NLGN1: variants seen among roughly 807,000 people sequenced by gnomAD.
NLGN1 encodes the protein neuroligin 1.
Under a neutral mutation model 65.5 loss-of-function variants are expected in NLGN1, and 12 were observed. That is an observed-to-expected ratio of 0.18 (90% CI 0.12 to 0.30). The LOEUF (loss-of-function observed/expected upper bound fraction) is 0.30. Ranked by LOEUF, NLGN1 falls within the 10% of genes least tolerant of loss-of-function variation. NLGN1 has a pLI of 1.00. For synonymous variants in NLGN1, 350 were observed against 359.5 expected (o/e 0.97, Z 0.30); for missense variants, 750 against 1,007.1 (o/e 0.74, Z 3.46).
chr3:173,736,659 A>G (rs1773814170), intron 3 of NLGN1, among the ~76,000 whole-genome samples: 1 of 151,994 alleles, frequency 6.6e-6, no homozygotes, highest in Admixed American at 6.6e-5. Flanking sequence ...CAGATAAAAA[A>G]AAAATAATTT....
At chr3:174,254,227 CAT>C (rs1745255523) in intron 4 of NLGN1, among the ~76,000 whole-genome samples, 1 of 151,764 alleles carries the variant, frequency 6.6e-6, no homozygotes, top group Non-Finnish European at 1.5e-5. Flanking sequence ...AAATACATAC[CAT>C]ATGGCCCTAA....
chr3:174,122,370 C>A (rs1438468072), intron 4 of NLGN1, among the ~76,000 whole-genome samples: 1 of 152,122 alleles, frequency 6.6e-6, no homozygotes, highest in Non-Finnish European at 1.5e-5. Context: ...GGCTTAATAA[C>A]CATAAAATAA....
chr3:173,460,444 G>A (rs1187739950), intron 2 of NLGN1, among the ~76,000 whole-genome samples: 2 of 152,042 alleles, frequency 1.3e-5, no homozygotes, highest in Non-Finnish European at 2.9e-5. Flanking sequence ...TTGAAACTTG[G>A]CATCGCTTCT....
At chr3:173,685,405 T>C (rs1764541174) in intron 3 of NLGN1, among the ~76,000 whole-genome samples, 2 of 152,190 alleles carry the variant, frequency 1.3e-5, no homozygotes, top group African/African-American at 4.8e-5. Context: ...AAACGTGTTT[T>C]AAATGCATCA....
chr3:173,845,927 A>C (rs1427217920), intron 4 of NLGN1, among the ~76,000 whole-genome samples: 1 of 152,032 alleles, frequency 6.6e-6, no homozygotes, highest in Non-Finnish European at 1.5e-5. Flanking sequence ...TTTATGTGTT[A>C]CTCATCTCTA....
intron 4 of NLGN1, among the ~76,000 whole-genome samples, chr3:174,218,572 C>T (rs61591697): frequency 4.6e-5 from 7 of 152,064 alleles, no homozygotes; most frequent in African/African-American, 1.7e-4. Context: ...AGTTAAGGTC[C>T]GTGCAGCAGA....
intron 2 of NLGN1, among the ~76,000 whole-genome samples, chr3:173,511,791 T>C (rs1733021623): frequency 6.6e-6 from 1 of 152,226 alleles, no homozygotes; most frequent in Non-Finnish European, 1.5e-5. Flanking sequence ...TTTATCTTAA[T>C]TCTTTCTTAG....
intron 3 of NLGN1, among the ~76,000 whole-genome samples, chr3:173,675,887 TCACACA>T (rs35370304): frequency 3.9e-4 from 54 of 138,640 alleles, no homozygotes; most frequent in African/African-American, 1.1e-3. Flanking sequence ...TCTCTCTCTC[TCACACA>T]CACACACACA....
chr3:174,113,791 T>C (rs1455537564), intron 4 of NLGN1, among the ~76,000 whole-genome samples: 1 of 152,190 alleles, frequency 6.6e-6, no homozygotes, highest in Non-Finnish European at 1.5e-5. Flanking sequence ...TTATTTCTGA[T>C]ATTTTGATTA....
chr3:173,438,060 T>G (rs560810612), intron 2 of NLGN1, among the ~76,000 whole-genome samples: 1 of 152,288 alleles, frequency 6.6e-6, no homozygotes, highest in South Asian at 2.1e-4. Flanking sequence ...TCAAGGGAAG[T>G]GAGTCCTGAA....
At chr3:173,545,428 A>C (rs899524017) in intron 2 of NLGN1, among the ~76,000 whole-genome samples, 1 of 152,146 alleles carries the variant, frequency 6.6e-6, no homozygotes, top group African/African-American at 2.4e-5. Flanking sequence ...GCAGAAATAG[A>C]AAAAAATGTA....
chr3:173,429,259 A>T (rs1716749214), intron 1 of NLGN1, among the ~76,000 whole-genome samples: 1 of 151,894 alleles, frequency 6.6e-6, no homozygotes, highest in South Asian at 2.1e-4. Context: ...TCTTTTGTTT[A>T]ATCAGTTTTG....
At chr3:173,746,927 C>T (rs976653837) in intron 3 of NLGN1, among the ~76,000 whole-genome samples, 4 of 151,744 alleles carry the variant, frequency 2.6e-5, no homozygotes, top group Admixed American at 2.6e-4. Context: ...TGTCTTGCAC[C>T]TTGCATCTGT....
chr3:173,612,711 G>A (rs1056760192), intron 3 of NLGN1, among the ~76,000 whole-genome samples: 7 of 152,006 alleles, frequency 4.6e-5, no homozygotes, highest in East Asian at 3.9e-4. Flanking sequence ...TCATTGTATC[G>A]CTTTGGTGAA....
chr3:174,127,310 C>T (rs576063480), intron 4 of NLGN1, among the ~76,000 whole-genome samples: 1 of 152,056 alleles, frequency 6.6e-6, no homozygotes, highest in Non-Finnish European at 1.5e-5. Context: ...TAGAGTGGAA[C>T]CATGTGATCC....
At chr3:173,426,823 G>T (rs1210708534) in intron 1 of NLGN1, among the ~76,000 whole-genome samples, 1 of 151,914 alleles carries the variant, frequency 6.6e-6, no homozygotes, top group Admixed American at 6.6e-5. Flanking sequence ...TTGGTTTCAG[G>T]GTAATGTTGA....
At chr3:174,103,193 C>G (rs1712939081) in intron 4 of NLGN1, among the ~76,000 whole-genome samples, 1 of 152,044 alleles carries the variant, frequency 6.6e-6, no homozygotes, top group South Asian at 2.1e-4. Flanking sequence ...CATAGAAGTT[C>G]CGTGTGTCAC....
At chr3:174,274,753 T>G (rs988405614) in intron 4 of NLGN1, among the ~76,000 whole-genome samples, 1 of 151,880 alleles carries the variant, frequency 6.6e-6, no homozygotes, top group Non-Finnish European at 1.5e-5. Flanking sequence ...TCATTGATCA[T>G]CATTGATAAA....
At chr3:174,155,371 T>A (rs1725250957) in intron 4 of NLGN1, among the ~76,000 whole-genome samples, 1 of 151,786 alleles carries the variant, frequency 6.6e-6, no homozygotes, top group South Asian at 2.1e-4. Context: ...ACATTAGTCT[T>A]TGAGGTACAG....
Sources: gnomAD v4.1 joint callset for allele counts (sites outside exome capture counted in the v4.1 genomes callset) on GRCh38, gnomAD v4.1.1 for gene constraint, MANE v1.5 for transcripts, NCBI Gene and HGNC (gene_info 2026-07-23, HGNC 2026-07-21) for gene names.